Variants in RASA2 observed in about 807,000 individuals in gnomAD.
The protein encoded by RASA2 is ras GTPase-activating protein 2.
A neutral mutation model predicts 118.2 loss-of-function variants in RASA2; 155 were observed. The ratio of observed to expected loss-of-function variants is 1.31; its 90% CI spans 1.15 to 1.50. The LOEUF (loss-of-function observed/expected upper bound fraction) is 1.50. RASA2 is among the 40% of genes most tolerant of loss of function. The pLI is 0.00. For missense variants in RASA2, 1,016 were observed against 1,009.6 expected (o/e 1.01, Z -0.09); for synonymous variants, 353 against 349.1 (o/e 1.01, Z -0.12).
At chr3:141,575,594 C>A (rs188752167) in intron 14 of RASA2, among the ~76,000 whole-genome samples, 1 of 152,176 alleles carries the variant, frequency 6.6e-6, no homozygotes, top group African/African-American at 2.4e-5. Context: ...TTTAGAGAAG[C>A]TGAGTAACTT....
intron 19 of RASA2, among the ~76,000 whole-genome samples, chr3:141,597,327 C>T (rs190131780): frequency 6.6e-6 from 1 of 152,264 alleles, no homozygotes; most frequent in South Asian, 2.1e-4. Context: ...AAAAATTACG[C>T]TAAGTGAAAG....
rs1158852698 is a variant in RASA2, at chr3:141,506,102, G to T, written c.134-6061G>T. 2.0e-5 allele frequency among the ~76,000 whole-genome samples: 3 copies of T among 152,334 alleles called. No individual in the cohort carries two copies. In the East Asian group the frequency reaches 5.8e-4, roughly 29 times the overall value. On this transcript the variant is annotated intron_variant, in intron 1 of 23. Transcript: ENST00000286364. ...TAAAAAATTAGTTAACAGTTATGTT[G>T]TAAGTCGTAATGTACACTAGAAAAG... is the stretch of plus-strand genomic sequence containing the variant.
intron 1 of RASA2, 96 bp from the exon 2 acceptor site, chr3:141,512,067 A>G (rs1321932125): frequency 7.7e-6 from 6 of 775,030 alleles, no homozygotes; most frequent in Non-Finnish European, 1.2e-5. Context: ...TCTGTGCCAC[A>G]TTAATATGTT....
chr3:141,553,035 A>AT (rs2082597097), intron 5 of RASA2, among the ~76,000 whole-genome samples: 1 of 152,210 alleles, frequency 6.6e-6, no homozygotes, highest in Non-Finnish European at 1.5e-5. Context: ...CATGGAGTAG[A>AT]TTAGATGACC....
intron 1 of RASA2, among the ~76,000 whole-genome samples, chr3:141,509,195 C>T (rs1177565615): frequency 1.3e-5 from 2 of 152,146 alleles, no homozygotes; most frequent in Non-Finnish European, 2.9e-5. Context: ...GAACTTCAGT[C>T]ATTGGTGGAT....
chr3:141,534,613 T>G (rs1577696344), intron 4 of RASA2, among the ~76,000 whole-genome samples: 2 of 151,992 alleles, frequency 1.3e-5, no homozygotes, highest in South Asian at 4.1e-4. Context: ...TAAAGACCTC[T>G]GCCTTACCTG....
chr3:141,517,163 T>A (rs2082040217), intron 3 of RASA2, among the ~76,000 whole-genome samples: 1 of 152,216 alleles, frequency 6.6e-6, no homozygotes, highest in South Asian at 2.1e-4. Flanking sequence ...ATAGAAAGAT[T>A]GCAGTTTTGA....
intron 3 of RASA2, among the ~76,000 whole-genome samples, chr3:141,522,673 C>G (rs1184737279): frequency 5.9e-5 from 9 of 152,106 alleles, no homozygotes; most frequent in Admixed American, 5.9e-4. Context: ...ACATTCCTGC[C>G]AGCTCTTCTT....
chr3:141,525,033 A>G (rs985663565), intron 3 of RASA2: 2 of 152,226 alleles, frequency 1.3e-5, no homozygotes, highest in African/African-American at 4.8e-5. Flanking sequence ...TCCCAAGGGT[A>G]ACACAGTATT....
chr3:141,602,131 G>A (rs1327099046), intron 19 of RASA2, among the ~76,000 whole-genome samples: 1 of 152,096 alleles, frequency 6.6e-6, no homozygotes, highest in Admixed American at 6.5e-5. Flanking sequence ...GTTTTAGTTG[G>A]CTGCCTTCTT....
intron 5 of RASA2, among the ~76,000 whole-genome samples, chr3:141,544,241 A>T (rs1387816510): frequency 2.0e-5 from 3 of 152,054 alleles, no homozygotes; most frequent in African/African-American, 7.2e-5. Context: ...TATTTAATTT[A>T]TCCTGTTTGG....
chr3:141,600,724 C>T (rs2083450440), intron 19 of RASA2: 1 of 153,360 alleles, frequency 6.5e-6, no homozygotes, highest in African/African-American at 2.4e-5. Flanking sequence ...TTTAAGAAGC[C>T]ACATCTCCCT....
At chr3:141,570,307 G>T (rs1226219478) in intron 9 of RASA2, among the ~76,000 whole-genome samples, 2 of 151,330 alleles carry the variant, frequency 1.3e-5, no homozygotes, top group Non-Finnish European at 2.9e-5. Flanking sequence ...CTGCAACTCC[G>T]CCTCCTGAGT....
Position 141,612,402 on chromosome 3 carries a change from GA to G in RASA2, c.*91del. ...CATGTATTTTGTTCATGGTATTTAAGAATGAGCATCCGCTTCAATGTCATCT... is the reference window on the plus strand; with the variant it reads ...CATGTATTTTGTTCATGGTATTTAAGATGAGCATCCGCTTCAATGTCATCT... On this transcript the variant is annotated 3_prime_UTR_variant, in exon 24 of 24. Coordinates refer to ENST00000286364, the MANE Select transcript of RASA2 (RefSeq NM_006506.5). 1 of 1,083,812 alleles carries G rather than the reference GA, an allele frequency of 9.2e-7. No homozygotes were observed. 67.1% of individuals were successfully genotyped at this position (1,083,812 alleles called of 1,614,324 possible).
intron 2 of RASA2, among the ~76,000 whole-genome samples, chr3:141,515,253 TA>T (rs1000011787): frequency 2.4e-4 from 36 of 152,038 alleles, no homozygotes; most frequent in South Asian, 4.2e-4. Context: ...TAGCTTAATT[TA>T]AAAAAAAATT....
At chr3:141,509,552 A>T (rs545372141) in intron 1 of RASA2, among the ~76,000 whole-genome samples, 1 of 152,302 alleles carries the variant, frequency 6.6e-6, no homozygotes, top group South Asian at 2.1e-4. Context: ...CTAATTCCAA[A>T]TTTTTTATAT....
At chr3:141,589,698 A>G (rs2083258780) in intron 19 of RASA2, among the ~76,000 whole-genome samples, 1 of 151,928 alleles carries the variant, frequency 6.6e-6, no homozygotes, top group African/African-American at 2.4e-5. Context: ...AAAATTAGCC[A>G]GGCGTGGTGG....
chr3:141,607,699 T>C lies in RASA2; in HGVS notation c.1955T>C (p.Ile652Thr). The C allele has an allele frequency of 1.3e-6, 2 of 1,598,228 alleles. No individual in the cohort carries two copies. The highest frequency in any genetic ancestry group is 1.7e-6 in the Non-Finnish European group (2 of 1,174,436). ...KQPGKDAIYTIPVKNILAVEK... is the reference protein window; with the variant it reads ...KQPGKDAIYTTPVKNILAVEK... ...TTAGGCAAAGATGCAATCTACACAA[T>C]CCCAGTAAAAAACATTCTTGCTGTG... Residue 652 changes from isoleucine (I) to threonine (T), a missense_variant, in exon 20 of 24, where the codon ATC becomes ACC. Physicochemically the swap from Ile to Thr is moderately conservative, Grantham distance 89. Around this residue, in one of 2 missense-constraint regions of RASA2, gnomAD observed 896 missense variants for 836.4 expected, o/e 1.07. Transcript: ENST00000286364.
chr3:141,516,461 A>G, intron 3 of RASA2, 30 bp downstream of exon 3: 2 of 1,345,962 alleles, frequency 1.5e-6, no homozygotes, highest in Middle Eastern at 2.0e-4. Context: ...ATCTTTAATC[A>G]CAATGTTAAT....
Sources: allele counts gnomAD v4.1 joint callset (sites outside exome capture counted in the v4.1 genomes callset), GRCh38; gene constraint gnomAD v4.1.1; regional missense constraint gnomAD v4.1.1; transcripts MANE v1.5; gene names NCBI Gene and HGNC (gene_info 2026-07-23, HGNC 2026-07-21).